The following WFDC8 variants were observed in gnomAD, a reference collection of about 807,000 sequenced individuals.
The protein encoded by WFDC8 is WAP four-disulfide core domain 8, also known as WAP four-disulfide core domain protein 8.
In WFDC8, 24 loss-of-function variants were observed where a neutral mutation model predicts 27.0. The ratio of observed to expected loss-of-function variants is 0.89; its 90% CI spans 0.64 to 1.25. The LOEUF (loss-of-function observed/expected upper bound fraction) is 1.25. Among genes scored for constraint, WFDC8 ranks in the 50% most tolerant of loss-of-function variants. The probability of loss-of-function intolerance (pLI) is 0.00; values close to 1 mark genes in which losing one functional copy is unlikely to be tolerated. For synonymous variants in WFDC8, 106 were observed against 99.7 expected, an observed-to-expected ratio of 1.06 and a Z score of -0.38; for missense variants, 287 against 295.9, an observed-to-expected ratio of 0.97 and a Z score of 0.22.
chr20:45,576,086 A>C lies in WFDC8; in HGVS notation c.26+3136T>G, dbSNP rs1358751993. Among the ~76,000 whole-genome samples the C allele has an allele frequency of 2.6e-5, 4 of 151,506 alleles. No homozygotes were observed. In the East Asian group the frequency reaches 7.7e-4, roughly 29 times the overall value. ...CCTAGTCAGATATCTACATTCTGAT[A>C]CCGGAGAAGGATTGTCTCTAAATAT... On this transcript the variant is annotated intron_variant, in intron 1 of 5. Coordinates refer to ENST00000289953, the MANE Select transcript of WFDC8 (RefSeq NM_130896.3).
intron 4 of WFDC8, 70 bp downstream of exon 4, chr20:45,555,631 G>A: frequency 6.4e-7 from 1 of 1,560,964 alleles, no homozygotes; most frequent in Non-Finnish European, 8.8e-7. Context: ...CAAATCCTGA[G>A]CCTATAACCT....
chr20:45,562,561 A>G (rs1476436829), intron 1 of WFDC8, among the ~76,000 whole-genome samples: 1 of 152,028 alleles, frequency 6.6e-6, no homozygotes, highest in Non-Finnish European at 1.5e-5. Context: ...GCCCACAGTC[A>G]CTCCAGGGGC....
At chr20:45,555,457 A>G (rs1980204266) in intron 4 of WFDC8, among the ~76,000 whole-genome samples, 1 of 152,150 alleles carries the variant, frequency 6.6e-6, no homozygotes, top group Admixed American at 6.5e-5. Context: ...AACATTTTCT[A>G]TACACTATCT....
At position 45,559,014 on chromosome 20, in the gene WFDC8, A is replaced by G. The variant is rs749981008; in HGVS notation, c.137-22T>C. The G allele has an allele frequency of 3.7e-6, 6 of 1,612,138 alleles. No individual in the cohort carries two copies. The South Asian group carries it at 5.5e-5, about 15-fold the overall frequency. Reference sequence around the variant, plus strand: ...TTGTCTGCAAGAAAGAAATGTCCAAACTCACATTCTTTCGGAATTTCAGCT... The same window carrying G: ...TTGTCTGCAAGAAAGAAATGTCCAAGCTCACATTCTTTCGGAATTTCAGCT... On this transcript the variant is annotated intron_variant, in intron 2 of 5. Coordinates refer to ENST00000289953, the MANE Select transcript of WFDC8 (RefSeq NM_130896.3).
downstream of WFDC8, chr20:45,551,163 G>T (rs575867869): frequency 6.6e-6 from 1 of 152,124 alleles, no homozygotes; most frequent in African/African-American, 2.4e-5. Flanking sequence ...ACAGCAGTCT[G>T]CAATTAAGTT....
At position 45,557,719 on chromosome 20, in the gene WFDC8, C is replaced by T. The variant is rs542888491; in HGVS notation, c.277+1133G>A. ...AAGTGCTGGGATTACAGGTGTGAGC[C>T]ACCGTGCCCAGCCAATAAAGATGTG... On this transcript the variant is annotated intron_variant, in intron 3 of 5. Coordinates refer to ENST00000289953, the MANE Select transcript of WFDC8 (RefSeq NM_130896.3). Among the ~76,000 whole-genome samples the T allele has an allele frequency of 2.0e-5, 3 of 152,308 alleles. No individual in the cohort carries two copies. The South Asian group carries it at 6.2e-4, about 32-fold the overall frequency.
rs529809370 is a variant in WFDC8, at chr20:45,572,604, AACTT to A, written c.26+6614_26+6617del. On this transcript the variant is annotated intron_variant, in intron 1 of 5. Coordinates refer to ENST00000289953, the MANE Select transcript of WFDC8 (RefSeq NM_130896.3). ...TGAATGCCTTATTTATTTATTTACT[AACTT>A]ACTTATTTATTTATTTTCAAGACAG... Among the ~76,000 whole-genome samples, 178 of 151,688 alleles carry A rather than the reference AACTT, an allele frequency of 1.2e-3. 1 individual carries two copies. The highest frequency in any genetic ancestry group is 3.4e-3 in the Middle Eastern group (1 of 294).
At chr20:45,569,673 A>G (rs1980802273) in intron 1 of WFDC8, among the ~76,000 whole-genome samples, 1 of 152,160 alleles carries the variant, frequency 6.6e-6, no homozygotes, top group Non-Finnish European at 1.5e-5. Flanking sequence ...TAAATTGTGC[A>G]AGGAAGGGGT....
At chr20:45,578,015 CAAAA>C (rs77301819) in intron 1 of WFDC8, among the ~76,000 whole-genome samples, 56,022 of 148,232 alleles carry the variant, frequency 0.38, 12,322 homozygotes, top group Non-Finnish European at 0.45. Flanking sequence ...TCAAACAAAA[CAAAA>C]AAAATAAAAA....
intron 1 of WFDC8, among the ~76,000 whole-genome samples, chr20:45,562,869 G>A (rs536105797): frequency 6.6e-6 from 1 of 151,860 alleles, no homozygotes; most frequent in Non-Finnish European, 1.5e-5. Context: ...TTATTTTAAG[G>A]TGTGAAAAAC....
At chr20:45,556,635 A>G (rs1263310766) in intron 3 of WFDC8, among the ~76,000 whole-genome samples, 1 of 152,210 alleles carries the variant, frequency 6.6e-6, no homozygotes, top group Non-Finnish European at 1.5e-5. Context: ...GAAGTTGCCG[A>G]AGAGCTCAAC....
chr20:45,568,766 C>T, intron 1 of WFDC8: 1 of 471,282 alleles, frequency 2.1e-6, no homozygotes, highest in Non-Finnish European at 4.3e-6. Context: ...CAATGTGACA[C>T]TCTCGATAAT....
At chr20:45,566,338 T>C (rs762917148) in intron 1 of WFDC8, among the ~76,000 whole-genome samples, 5 of 152,198 alleles carry the variant, frequency 3.3e-5, no homozygotes, top group Non-Finnish European at 5.9e-5. Flanking sequence ...AAATGCTTAA[T>C]ATTATTTTAA....
At chr20:45,575,682 C>T (rs1981021554) in intron 1 of WFDC8, among the ~76,000 whole-genome samples, 1 of 151,250 alleles carries the variant, frequency 6.6e-6, no homozygotes, top group Non-Finnish European at 1.5e-5. Context: ...ATTGAAAGGT[C>T]TACAGATGGC....
chr20:45,575,894 A>G (rs1981028773), intron 1 of WFDC8, among the ~76,000 whole-genome samples: 1 of 151,254 alleles, frequency 6.6e-6, no homozygotes, highest in Admixed American at 6.6e-5. Context: ...GTTCTGTTGC[A>G]AGGCTACTCA....
chr20:45,578,905 G>A (rs1017296735), intron 1 of WFDC8, among the ~76,000 whole-genome samples: 11 of 152,042 alleles, frequency 7.2e-5, no homozygotes, highest in African/African-American at 2.4e-4. Flanking sequence ...GGTTGCATTC[G>A]AGACCAGCCT....
chr20:45,554,663 A>G (rs1335767079), intron 4 of WFDC8, among the ~76,000 whole-genome samples: 1 of 152,108 alleles, frequency 6.6e-6, no homozygotes, highest in Non-Finnish European at 1.5e-5. Flanking sequence ...TCTTCCTGGG[A>G]GAGGAGACAA....
Position 45,556,616 on chromosome 20 carries a change from A to G in WFDC8, c.278-748T>C, listed in dbSNP as rs952626401. Among the ~76,000 whole-genome samples, 7 of 152,230 alleles carry G rather than the reference A, an allele frequency of 4.6e-5. 1 individual carries two copies. The highest frequency in any genetic ancestry group is 1.0e-4 in the Non-Finnish European group (7 of 68,034). ...AGTCATCAAAGTTGATCCTCTTATA[A>G]CTACATAAGAAGTTGCCGAAGAGCT... On this transcript the variant is annotated intron_variant, in intron 3 of 5. Coordinates refer to ENST00000289953, the MANE Select transcript of WFDC8 (RefSeq NM_130896.3).
At chr20:45,562,387 G>A (rs1474024272) in intron 1 of WFDC8, among the ~76,000 whole-genome samples, 168 bp from the exon 2 acceptor site, 1 of 152,160 alleles carries the variant, frequency 6.6e-6, no homozygotes, top group Admixed American at 6.5e-5. Context: ...GTGAGTTAAG[G>A]TGTGTCTAAG....
Sources: allele counts gnomAD v4.1 joint callset (sites outside exome capture counted in the v4.1 genomes callset), GRCh38; gene constraint gnomAD v4.1.1; transcripts MANE v1.5; gene names NCBI Gene and HGNC (gene_info 2026-07-23, HGNC 2026-07-21).